LRP1B: variants seen among roughly 807,000 people sequenced by gnomAD.
LRP1B encodes LDL receptor related protein 1B, also known as low-density lipoprotein receptor-related protein 1B.
LRP1B carries 217 observed loss-of-function variants against 556.6 expected under a neutral mutation model. The observed-to-expected ratio is 0.39, with a 90% confidence interval of 0.35 to 0.44. The LOEUF is 0.44. Among genes scored for constraint, LRP1B ranks in the 20% least tolerant of loss-of-function variants. LRP1B has a pLI of 1.00. For missense variants in LRP1B, 5,053 were observed against 5,620.8 expected (o/e 0.90, Z 3.23); for synonymous variants, 2,047 against 1,865.8 (o/e 1.10, Z -2.50).
At chr2:140,466,066 T>A (rs542147059) in intron 60 of LRP1B, among the ~76,000 whole-genome samples, 1 of 150,690 alleles carries the variant, frequency 6.6e-6, no homozygotes, top group Non-Finnish European at 1.5e-5. Flanking sequence ...TAGAATATTA[T>A]AAAATAGTGC....
chr2:140,264,833 G>T (rs566435105), intron 86 of LRP1B, among the ~76,000 whole-genome samples: 3 of 151,812 alleles, frequency 2.0e-5, no homozygotes, highest in Non-Finnish European at 2.9e-5. Flanking sequence ...CCACACACAG[G>T]GATACCTGAG....
intron 47 of LRP1B, among the ~76,000 whole-genome samples, chr2:140,531,859 A>C (rs1472463498): frequency 6.6e-6 from 1 of 152,142 alleles, no homozygotes; most frequent in African/African-American, 2.4e-5. Flanking sequence ...GAAAATGCTG[A>C]ATGATCCTCC....
chr2:141,592,899 T>C (rs1325970455), intron 2 of LRP1B, among the ~76,000 whole-genome samples: 1 of 152,174 alleles, frequency 6.6e-6, no homozygotes, highest in Non-Finnish European at 1.5e-5. Flanking sequence ...GGCAAGGTCA[T>C]TTTATTTTCA....
intron 2 of LRP1B, among the ~76,000 whole-genome samples, chr2:141,701,525 C>G (rs1359981863): frequency 6.6e-6 from 1 of 151,816 alleles, no homozygotes; most frequent in Non-Finnish European, 1.5e-5. Context: ...GACGCCATTA[C>G]TTATAATCTA....
intron 1 of LRP1B, among the ~76,000 whole-genome samples, chr2:141,813,150 G>A (rs1485793296): frequency 6.6e-6 from 1 of 152,066 alleles, no homozygotes; most frequent in Admixed American, 6.6e-5. Context: ...CTAGGGATAC[G>A]ATAATGAAAA....
At position 141,037,869 on chromosome 2, in the gene LRP1B, C is replaced by G. The variant is rs1698578660; in HGVS notation, c.1789+11117G>C. On this transcript the variant is annotated intron_variant, in intron 11 of 90. Coordinates refer to ENST00000389484, the MANE Select transcript of LRP1B (RefSeq NM_018557.3). The stretch of plus-strand genomic sequence containing the variant: ...TTGCAAGCACAGACACACACAGACA[C>G]ATGCGCACGTGCATGTACACACACA... 2.0e-5 allele frequency among the ~76,000 whole-genome samples: 3 copies of G among 151,322 alleles called. No homozygotes were observed. In the Admixed American group the frequency reaches 2.0e-4, roughly 10 times the overall value.
chr2:140,533,880 A>G, intron 47 of LRP1B, 141 bp downstream of exon 47: 1 of 823,430 alleles, frequency 1.2e-6, no homozygotes, highest in South Asian at 2.0e-5. Flanking sequence ...TAGCAACTCC[A>G]TTCCAACAGC....
chr2:141,961,687 G>T (rs542576469), intron 1 of LRP1B, among the ~76,000 whole-genome samples: 5 of 151,790 alleles, frequency 3.3e-5, no homozygotes, highest in Non-Finnish European at 5.9e-5. Context: ...TAAGGAGAAA[G>T]AAATAGGAAA....
chr2:140,299,801 T>C (rs1558782309), intron 83 of LRP1B, among the ~76,000 whole-genome samples: 1 of 151,938 alleles, frequency 6.6e-6, no homozygotes. Context: ...AACAAGTAAA[T>C]AGCAATAAAA....
At chr2:141,037,149 A>G (rs1453611759) in intron 11 of LRP1B, among the ~76,000 whole-genome samples, 1 of 151,994 alleles carries the variant, frequency 6.6e-6, no homozygotes, top group Non-Finnish European at 1.5e-5. Context: ...AAATATTGAA[A>G]ACTGAGGGAT....
chr2:141,634,067 G>C (rs2105353207), intron 2 of LRP1B, among the ~76,000 whole-genome samples: 1 of 151,434 alleles, frequency 6.6e-6, no homozygotes, highest in Non-Finnish European at 1.5e-5. Flanking sequence ...CTTAGTCTCA[G>C]CTTGAAGAGT....
intron 1 of LRP1B, among the ~76,000 whole-genome samples, chr2:142,027,106 C>A (rs151002894): frequency 1.3e-5 from 2 of 151,910 alleles, no homozygotes; most frequent in African/African-American, 4.8e-5. Context: ...AATCTGCATG[C>A]GCTTTGTGGG....
intron 11 of LRP1B, among the ~76,000 whole-genome samples, chr2:141,044,934 G>C (rs985280395): frequency 6.6e-6 from 1 of 150,904 alleles, no homozygotes; most frequent in African/African-American, 2.4e-5. Context: ...ATACCCAAAG[G>C]ACTATAAATC....
chr2:141,391,099 G>C (rs554455170), intron 3 of LRP1B, among the ~76,000 whole-genome samples: 1 of 152,164 alleles, frequency 6.6e-6, no homozygotes, highest in South Asian at 2.1e-4. Flanking sequence ...TAAATCTTTA[G>C]GCTTTTGCAG....
intron 43 of LRP1B, among the ~76,000 whole-genome samples, chr2:140,580,811 G>A (rs1681730671): frequency 6.6e-6 from 1 of 151,874 alleles, no homozygotes; most frequent in South Asian, 2.1e-4. Context: ...CTTCTCAACT[G>A]AAAAGCTATT....
At chr2:140,680,670 A>T (rs1559051404) in intron 41 of LRP1B, among the ~76,000 whole-genome samples, 1 of 152,120 alleles carries the variant, frequency 6.6e-6, no homozygotes, top group Non-Finnish European at 1.5e-5. Flanking sequence ...CTTGGATTCA[A>T]ATCTAAGTCT....
intron 7 of LRP1B, among the ~76,000 whole-genome samples, chr2:141,162,113 A>T (rs1167901110): frequency 6.6e-6 from 1 of 152,136 alleles, no homozygotes; most frequent in Non-Finnish European, 1.5e-5. Context: ...ACCTCAGGCC[A>T]GTCTAATCCC....
At chr2:140,879,885 G>A (rs1693419542) in intron 25 of LRP1B, among the ~76,000 whole-genome samples, 1 of 150,806 alleles carries the variant, frequency 6.6e-6, no homozygotes. Context: ...TAGCATTATA[G>A]GCATAAAAAG....
intron 71 of LRP1B, among the ~76,000 whole-genome samples, chr2:140,364,997 ACT>A (rs1025521200): frequency 5.9e-5 from 9 of 151,382 alleles, no homozygotes. Context: ...TTCTAATATT[ACT>A]CTCATATATG....
Sources: gnomAD v4.1 joint callset for allele counts (sites outside exome capture counted in the v4.1 genomes callset) on GRCh38, gnomAD v4.1.1 for gene constraint, MANE v1.5 for transcripts, NCBI Gene and HGNC (gene_info 2026-07-23, HGNC 2026-07-21) for gene names.